The following TOP2B variants were observed in gnomAD, a reference collection of about 807,000 sequenced individuals.
The protein encoded by TOP2B is DNA topoisomerase 2-beta.
In TOP2B, 51 loss-of-function variants were observed where a neutral mutation model predicts 193.5. That is an observed-to-expected ratio of 0.26 (90% CI 0.21 to 0.33). The LOEUF (loss-of-function observed/expected upper bound fraction) is 0.33, where lower values mean the gene tolerates loss of function less well. Among genes scored for constraint, TOP2B ranks in the 10% least tolerant of loss-of-function variants. The pLI is 1.00. For synonymous variants in TOP2B, 634 were observed against 635.7 expected (o/e 1.00, Z 0.04); for missense variants, 1,378 against 1,909.3 (o/e 0.72, Z 5.19).
At position 25,627,218 on chromosome 3, in the gene TOP2B, G is replaced by A; in HGVS notation, c.1985C>T (p.Ala662Val). 2 of 1,608,728 alleles carry A rather than the reference G, an allele frequency of 1.2e-6. No individual in the cohort carries two copies. Among genetic ancestry groups the A allele is most frequent in the Non-Finnish European group, 1.7e-6 (2 of 1,178,182 alleles). The change falls in exon 16 of 36, where the codon GCT becomes GTT. Residue 662 changes from alanine to valine, a missense_variant. This residue lies in a region of TOP2B where 379 missense variants were observed against 615.1 expected (regional missense o/e 0.62). Transcript: ENST00000264331. ...MERHRILFRY[A>V]GPEDDAAITL... Reference sequence around the variant, plus strand: ...AATGGCAGCATCATCTTCAGGACCAGCATATCTAAACAAGATGCGATGCCT... The same window carrying A: ...AATGGCAGCATCATCTTCAGGACCAACATATCTAAACAAGATGCGATGCCT...
At position 25,632,911 on chromosome 3, in the gene TOP2B, T is replaced by A. The variant is rs1398183104; in HGVS notation, c.1027-117A>T. ...AGTAATAGAGTCTCAGAACGAGAGT[T>A]GAGATTTTAAAAAAATAAGACATTT... On this transcript the variant is annotated intron_variant, in intron 8 of 35. Transcript: ENST00000264331. 10 of 834,420 alleles carry A rather than the reference T, an allele frequency of 1.2e-5. No individual in the cohort carries two copies. In the South Asian group the frequency reaches 1.9e-4, roughly 16 times the overall value. 51.7% of individuals were successfully genotyped at this position (834,420 alleles called of 1,614,324 possible). A position where few individuals can be genotyped will look rare whatever the true frequency, so the allele number is the denominator to read the frequency against.
chr3:25,617,620 A>T (rs781064563), intron 25 of TOP2B, among the ~76,000 whole-genome samples: 1 of 152,214 alleles, frequency 6.6e-6, no homozygotes, highest in Non-Finnish European at 1.5e-5. Context: ...TGTTTTAAAG[A>T]TGTTAATGTT....
At chr3:25,647,722 C>A (rs1184756319) in intron 1 of TOP2B, among the ~76,000 whole-genome samples, 1 of 152,112 alleles carries the variant, frequency 6.6e-6, no homozygotes, top group Non-Finnish European at 1.5e-5. Context: ...CCCTGCACCT[C>A]TTCCCAAATG....
intron 1 of TOP2B, among the ~76,000 whole-genome samples, chr3:25,657,596 G>A (rs1011522281): frequency 6.6e-6 from 1 of 152,120 alleles, no homozygotes; most frequent in Non-Finnish European, 1.5e-5. Flanking sequence ...AGAGAGTGAT[G>A]TATATCTGAC....
At chr3:25,641,080 C>T (rs1197388204) in intron 4 of TOP2B, among the ~76,000 whole-genome samples, 1 of 152,060 alleles carries the variant, frequency 6.6e-6, no homozygotes. Context: ...CCGCACCTGG[C>T]TTAGCTCACT....
intron 30 of TOP2B, 140 bp downstream of exon 30, chr3:25,609,043 A>G: frequency 1.6e-6 from 1 of 617,572 alleles, no homozygotes; most frequent in Middle Eastern, 4.7e-4. Flanking sequence ...AGACTGTTCT[A>G]TAAGGCAATT....
At chr3:25,633,298 A>G (rs1473345965) in intron 8 of TOP2B, among the ~76,000 whole-genome samples, 2 of 152,046 alleles carry the variant, frequency 1.3e-5, no homozygotes, top group African/African-American at 4.8e-5. Context: ...CTTCATTTAC[A>G]AGTTTTTTAT....
At chr3:25,636,200 T>C (rs986233717) in intron 6 of TOP2B, 52 bp from the exon 7 acceptor site, 2 of 1,166,770 alleles carry the variant, frequency 1.7e-6, no homozygotes, top group African/African-American at 3.1e-5. Context: ...TATCTCATAA[T>C]ATATAAAGAC....
Position 25,638,138 on chromosome 3 carries a change from T to G in TOP2B, c.541+27A>C, listed in dbSNP as rs1018849174. 8.4e-6 allele frequency: 13 copies of G among 1,544,718 alleles called. No individual in the cohort carries two copies. The Admixed American group carries it at 9.9e-5, about 12-fold the overall frequency. On this transcript the variant is annotated intron_variant, in intron 5 of 35. Coordinates refer to ENST00000264331, the MANE Select transcript of TOP2B (RefSeq NM_001330700.2). ...TTTTATATTAAGAAAACAGTATTTT[T>G]CAACCAAAATTCCATTCAGACTTTA...
intron 1 of TOP2B, among the ~76,000 whole-genome samples, chr3:25,650,589 A>C (rs999753911): frequency 1.3e-5 from 2 of 152,224 alleles, no homozygotes; most frequent in African/African-American, 4.8e-5. Context: ...CATTGAATGG[A>C]AAGTCTGTGA....
In TOP2B at chr3:25,640,724, G is replaced by A. The variant is rs192660045; in HGVS notation, c.395+1598C>T. Among the ~76,000 whole-genome samples the A allele has an allele frequency of 1.2e-3, 182 of 147,374 alleles. 1 individual carries two copies. The highest frequency in any genetic ancestry group is 4.1e-3 in the African/African-American group (166 of 40,274). ...CAAGAGCCCTTATCCAGTCTACAGAGTTGTCTTATAGCTCACTTCTTCGTT... is the reference window on the plus strand; with the variant it reads ...CAAGAGCCCTTATCCAGTCTACAGAATTGTCTTATAGCTCACTTCTTCGTT... On this transcript the variant is annotated intron_variant, in intron 4 of 35. Transcript: ENST00000264331.
chr3:25,624,116 T>G (rs766570888), intron 20 of TOP2B, among the ~76,000 whole-genome samples, 181 bp downstream of exon 20: 21 of 152,218 alleles, frequency 1.4e-4, no homozygotes, highest in Non-Finnish European at 2.5e-4. Context: ...TCACCAACAA[T>G]TCATAAAAAT....
Position 25,636,064 on chromosome 3 carries a change from G to A in TOP2B, c.724C>T (p.Pro242Ser). ...TCCATCTTAAATTTGGACAGATCTG[G>A]TTGGAATGTTATGCATGTGTAATCT... ...GEDYTCITFQ[P>S]DLSKFKMEKL... is the part of the protein sequence containing the mutation. The change falls in exon 7 of 36, where the codon CCA becomes TCA. Residue 242 changes from proline (P) to serine (S), a missense_variant. Coordinates refer to ENST00000264331, the MANE Select transcript of TOP2B (RefSeq NM_001330700.2). The A allele has an allele frequency of 1.2e-6, 2 of 1,612,998 alleles. No individual in the cohort carries two copies. The highest frequency in any genetic ancestry group is 8.5e-7 in the Non-Finnish European group (1 of 1,179,368).
intron 1 of TOP2B, among the ~76,000 whole-genome samples, chr3:25,661,353 C>T (rs1447658550): frequency 6.6e-6 from 1 of 152,168 alleles, no homozygotes; most frequent in African/African-American, 2.4e-5. Flanking sequence ...TTATACTACT[C>T]TGGTTACCAC....
chr3:25,606,904 G>C (rs940572303), intron 31 of TOP2B, among the ~76,000 whole-genome samples: 23 of 152,110 alleles, frequency 1.5e-4, no homozygotes, highest in African/African-American at 5.6e-4. Flanking sequence ...TACTAGAATG[G>C]CAGCATTAAG....
Position 25,632,411 on chromosome 3 carries a change from A to G in TOP2B, c.1266+35T>C, listed in dbSNP as rs1559501694. 6 of 1,504,968 alleles carry G rather than the reference A, an allele frequency of 4.0e-6. No homozygotes were observed. In the South Asian group the frequency reaches 7.7e-5, roughly 19 times the overall value. 93.2% of individuals were successfully genotyped at this position (1,504,968 alleles called of 1,614,324 possible). On this transcript the variant is annotated intron_variant, in intron 10 of 35. Transcript: ENST00000264331. ...AAGAAAACTACCTAATCAACTCTTA[A>G]TAACAACAATAAAAAAAATACAAGT...
Position 25,630,864 on chromosome 3 carries a change from A to C in TOP2B, c.1342T>G (p.Cys448Gly). 1 of 1,605,016 alleles carries C rather than the reference A, an allele frequency of 6.2e-7. No individual in the cohort carries two copies. Among genetic ancestry groups the C allele is most frequent in the Non-Finnish European group, 8.5e-7 (1 of 1,176,156 alleles). The change falls in exon 11 of 36, where the codon TGT becomes GGT. Residue 448 changes from cysteine to glycine, a missense_variant. Transcript: ENST00000264331. ...ATTTTACTGTATTTTACTGATGAACACTTCTTATTCAGCTGAGTCTGAGCC... is the reference window on the plus strand; with the variant it reads ...ATTTTACTGTATTTTACTGATGAACCCTTCTTATTCAGCTGAGTCTGAGCC... ...FKAQTQLNKK[C>G]SSVKYSKIKG...
chr3:25,659,734 G>A (rs1446581802), intron 1 of TOP2B, among the ~76,000 whole-genome samples: 1 of 152,170 alleles, frequency 6.6e-6, no homozygotes, highest in East Asian at 1.9e-4. Context: ...AAAGTAAAAG[G>A]TTAGTAGAAA....
chr3:25,638,106 T>G, intron 5 of TOP2B, 59 bp downstream of exon 5: 1 of 1,432,442 alleles, frequency 7.0e-7, no homozygotes. Flanking sequence ...CCTTAGTAAG[T>G]TATACATTTT....
Sources: gnomAD v4.1 joint callset for allele counts (sites outside exome capture counted in the v4.1 genomes callset) on GRCh38, gnomAD v4.1.1 for gene constraint, gnomAD v4.1.1 regional missense constraint, MANE v1.5 for transcripts, NCBI Gene and HGNC (gene_info 2026-07-23, HGNC 2026-07-21) for gene names.